Variants in PPP1R9A observed in about 807,000 individuals in gnomAD.
PPP1R9A encodes protein phosphatase 1 regulatory subunit 9A.
Under a neutral mutation model 141.9 loss-of-function variants are expected in PPP1R9A, and 59 were observed. That is an observed-to-expected ratio of 0.42 (90% confidence interval 0.34 to 0.52). The LOEUF (loss-of-function observed/expected upper bound fraction) is 0.52. PPP1R9A is among the 20% of genes least tolerant of loss of function. The pLI, the probability that PPP1R9A is intolerant of heterozygous loss-of-function variation, is 0.10. For synonymous variants in PPP1R9A, 500 were observed against 569.7 expected (o/e 0.88, Z 1.74); for missense variants, 1,444 against 1,611.9 (o/e 0.90, Z 1.78).
At chr7:95,127,501 T>C (rs1563276709) in intron 4 of PPP1R9A, among the ~76,000 whole-genome samples, 1 of 111,632 alleles carries the variant, frequency 9.0e-6, no homozygotes, top group South Asian at 2.7e-4. Flanking sequence ...TCTTCTTTTT[T>C]TCTTTCTTTT....
chr7:95,048,184 C>A (rs1160798729), intron 2 of PPP1R9A, among the ~76,000 whole-genome samples: 1 of 152,052 alleles, frequency 6.6e-6, no homozygotes, highest in African/African-American at 2.4e-5. Context: ...ACTAGGATGA[C>A]AAAAATTGAG....
At chr7:95,021,336 AATTT>A (rs1482661204) in intron 2 of PPP1R9A, among the ~76,000 whole-genome samples, 9 of 149,248 alleles carry the variant, frequency 6.0e-5, no homozygotes, top group Non-Finnish European at 1.2e-4. Flanking sequence ...TTTTCTTGTA[AATTT>A]ATTTAAGTTC....
At chr7:95,152,471 G>A (rs562273271) in intron 4 of PPP1R9A, among the ~76,000 whole-genome samples, 5 of 151,918 alleles carry the variant, frequency 3.3e-5, no homozygotes, top group Admixed American at 1.3e-4. Flanking sequence ...TACAGCTTCC[G>A]TTTTGTCCCA....
intron 8 of PPP1R9A, among the ~76,000 whole-genome samples, chr7:95,227,358 T>A (rs913592287): frequency 6.6e-6 from 1 of 152,170 alleles, no homozygotes; most frequent in Non-Finnish European, 1.5e-5. Context: ...CACATTCTTT[T>A]ATGGGAGGTG....
intron 5 of PPP1R9A, among the ~76,000 whole-genome samples, chr7:95,166,221 A>G (rs1226788835): frequency 6.6e-6 from 1 of 152,120 alleles, no homozygotes; most frequent in Non-Finnish European, 1.5e-5. Context: ...AACATTTAAC[A>G]AAACTTACCT....
At chr7:95,286,441 GTTT>G in intron 18 of PPP1R9A, 116 bp downstream of exon 18, 3 of 1,437,760 alleles carry the variant, frequency 2.1e-6, no homozygotes, top group Non-Finnish European at 9.2e-7. Context: ...CAGGACTGTG[GTTT>G]ATGTTTAATT....
At chr7:94,922,793 C>T (rs1033767540) in intron 2 of PPP1R9A, among the ~76,000 whole-genome samples, 1 of 152,074 alleles carries the variant, frequency 6.6e-6, no homozygotes, top group Non-Finnish European at 1.5e-5. Context: ...GTATACTTTT[C>T]TGAATTTACT....
intron 2 of PPP1R9A, among the ~76,000 whole-genome samples, chr7:95,068,964 A>G (rs1239229185): frequency 6.6e-6 from 1 of 152,162 alleles, no homozygotes; most frequent in Non-Finnish European, 1.5e-5. Context: ...TACTACCCAA[A>G]TCAGTCTCCT....
intron 16 of PPP1R9A, among the ~76,000 whole-genome samples, chr7:95,279,388 C>T (rs1045644994): frequency 6.6e-6 from 1 of 152,166 alleles, no homozygotes; most frequent in African/African-American, 2.4e-5. Flanking sequence ...TAGAAAAACA[C>T]CCCATCTCTG....
chr7:95,190,007 TGA>T (rs1396120827), intron 5 of PPP1R9A, among the ~76,000 whole-genome samples: 5 of 152,226 alleles, frequency 3.3e-5, no homozygotes, highest in African/African-American at 1.2e-4. Context: ...GGTATCTACT[TGA>T]GTAGTTTAGT....
intron 2 of PPP1R9A, among the ~76,000 whole-genome samples, chr7:94,927,591 TGATAA>T (rs1163112680): frequency 6.6e-6 from 1 of 152,226 alleles, no homozygotes; most frequent in African/African-American, 2.4e-5. Flanking sequence ...CTGAGTTGAT[TGATAA>T]AAGTCAACAA....
At chr7:95,009,697 G>A (rs1231230529) in intron 2 of PPP1R9A, among the ~76,000 whole-genome samples, 1 of 152,136 alleles carries the variant, frequency 6.6e-6, no homozygotes, top group Non-Finnish European at 1.5e-5. Flanking sequence ...TAGGAGCTTG[G>A]AATTATTGAC....
At chr7:95,058,726 G>A (rs747727331) in intron 2 of PPP1R9A, among the ~76,000 whole-genome samples, 3 of 152,110 alleles carry the variant, frequency 2.0e-5, no homozygotes, top group East Asian at 1.9e-4. Context: ...GAGTGGGATC[G>A]GGGGTGGAGC....
chr7:95,167,325 CAT>C (rs1261833931), intron 5 of PPP1R9A, among the ~76,000 whole-genome samples: 2 of 152,158 alleles, frequency 1.3e-5, no homozygotes, highest in African/African-American at 4.8e-5. Context: ...CCTCCCATGA[CAT>C]GTGGGAATTG....
chr7:95,208,968 A>AAAAAAGAC (rs1791483329), intron 7 of PPP1R9A, among the ~76,000 whole-genome samples: 1 of 148,360 alleles, frequency 6.7e-6, no homozygotes, highest in Admixed American at 6.8e-5. Context: ...AAAAAAAAAA[A>AAAAAAGAC]AAAAAAAAAA....
rs559858799 is a variant in PPP1R9A at position 95,282,319 on chromosome 7, G to A, written c.3297-1699G>A. On this transcript the variant is annotated intron_variant, in intron 16 of 19. Coordinates refer to ENST00000433360, the MANE Select transcript of PPP1R9A (RefSeq NM_001166160.2). ...TGCACTCTAGCCTGGGTTACAGAGCGAGACCCTGTCTCAAAAAAAAGAAAA... is the reference window on the plus strand; with the variant it reads ...TGCACTCTAGCCTGGGTTACAGAGCAAGACCCTGTCTCAAAAAAAAGAAAA... Among the ~76,000 whole-genome samples, 36 of 152,232 alleles carry A rather than the reference G, an allele frequency of 2.4e-4. No individual in the cohort carries two copies. The South Asian group carries it at 7.1e-3, about 30-fold the overall frequency.
chr7:95,125,498 T>A (rs972836160), intron 4 of PPP1R9A, among the ~76,000 whole-genome samples: 2 of 152,220 alleles, frequency 1.3e-5, no homozygotes, highest in Admixed American at 1.3e-4. Context: ...GAGGACACTT[T>A]CACACACTAA....
intron 4 of PPP1R9A, among the ~76,000 whole-genome samples, chr7:95,159,404 T>C (rs891689968): frequency 6.6e-6 from 1 of 152,158 alleles, no homozygotes; most frequent in African/African-American, 2.4e-5. Flanking sequence ...TCAAACACTT[T>C]ATTCTTTTAT....
intron 2 of PPP1R9A, among the ~76,000 whole-genome samples, chr7:94,985,988 G>C (rs1301342515): frequency 2.0e-5 from 3 of 152,154 alleles, no homozygotes; most frequent in African/African-American, 7.2e-5. Context: ...GATATTCAGT[G>C]TAAGTGAGTT....
Sources: allele counts gnomAD v4.1 joint callset (sites outside exome capture counted in the v4.1 genomes callset), GRCh38; gene constraint gnomAD v4.1.1; transcripts MANE v1.5; gene names NCBI Gene and HGNC (gene_info 2026-07-23, HGNC 2026-07-21).